PHF14: variants seen among roughly 807,000 people sequenced by gnomAD.
PHF14 encodes the protein PHD finger protein 14.
PHF14 carries 55 observed loss-of-function variants against 117.9 expected under a neutral mutation model. The observed-to-expected ratio is 0.47, with a 90% CI of 0.38 to 0.58. The LOEUF (loss-of-function observed/expected upper bound fraction) is 0.58, where lower values mean the gene tolerates loss of function less well. PHF14 is among the 20% of genes least tolerant of loss of function. PHF14 has a pLI of 0.00. For missense variants in PHF14, 978 were observed against 1,122.2 expected, an observed-to-expected ratio of 0.87 and a Z score of 1.84; for synonymous variants, 409 against 368.6, an observed-to-expected ratio of 1.11 and a Z score of -1.26.
intron 17 of PHF14, among the ~76,000 whole-genome samples, chr7:11,135,689 A>C (rs766441109): frequency 1.3e-5 from 2 of 152,114 alleles, no homozygotes; most frequent in Non-Finnish European, 2.9e-5. Context: ...CTTTCAATTC[A>C]TTGCCGTGGT....
intron 17 of PHF14, among the ~76,000 whole-genome samples, chr7:11,166,156 G>C (rs1789196818): frequency 6.6e-6 from 1 of 152,068 alleles, no homozygotes; most frequent in African/African-American, 2.4e-5. Flanking sequence ...AACATTAAGA[G>C]GTAAGCCTGT....
intron 3 of PHF14, 23 bp from the exon 4 acceptor site, chr7:10,990,680 A>C: frequency 7.2e-7 from 1 of 1,393,446 alleles, no homozygotes; most frequent in East Asian, 2.5e-5. Context: ...ATTTTCTGAT[A>C]TATGTTAATA....
At chr7:11,111,612 G>T in intron 17 of PHF14, 145 bp downstream of exon 17, 439 of 395,006 alleles carry the variant, frequency 1.1e-3, no homozygotes, top group Non-Finnish European at 1.3e-3. Flanking sequence ...TATTGCTATG[G>T]TTATTTTCTT....
intron 4 of PHF14, among the ~76,000 whole-genome samples, chr7:11,007,597 C>G (rs1783168139): frequency 6.6e-6 from 1 of 151,988 alleles, no homozygotes; most frequent in Non-Finnish European, 1.5e-5. Flanking sequence ...TTCAGCCATG[C>G]AATTTTTAAA....
At chr7:11,051,432 A>G (rs544230569) in intron 13 of PHF14, among the ~76,000 whole-genome samples, 180 bp from the exon 14 acceptor site, 1 of 152,176 alleles carries the variant, frequency 6.6e-6, no homozygotes, top group Non-Finnish European at 1.5e-5. Flanking sequence ...TTATATTCAT[A>G]GTAGTCACTC....
At chr7:11,059,113 TACC>T (rs1192558329) in intron 14 of PHF14, among the ~76,000 whole-genome samples, 1 of 152,176 alleles carries the variant, frequency 6.6e-6, no homozygotes, top group African/African-American at 2.4e-5. Flanking sequence ...AATGGAGCTA[TACC>T]ATTGTGTGAT....
intron 13 of PHF14, among the ~76,000 whole-genome samples, chr7:11,044,588 T>C (rs1441141646): frequency 6.6e-6 from 1 of 152,170 alleles, no homozygotes; most frequent in African/African-American, 2.4e-5. Context: ...ATTCAGAGAA[T>C]TGTTTTTTCT....
chr7:11,109,003 A>C (rs1231382053), intron 16 of PHF14: 1 of 151,820 alleles, frequency 6.6e-6, no homozygotes, highest in Non-Finnish European at 1.5e-5. Context: ...GATTATTAGC[A>C]ATCTGAACTC....
At chr7:10,980,036 C>T (rs751338131) in intron 2 of PHF14, among the ~76,000 whole-genome samples, 3 of 152,060 alleles carry the variant, frequency 2.0e-5, no homozygotes, top group Non-Finnish European at 2.9e-5. Flanking sequence ...CAAGGAGTCT[C>T]AATTTACCTC....
At chr7:11,026,527 G>A (rs1783917141) in intron 6 of PHF14, among the ~76,000 whole-genome samples, 1 of 152,178 alleles carries the variant, frequency 6.6e-6, no homozygotes, top group Non-Finnish European at 1.5e-5. Context: ...GCAGCACTTA[G>A]AACTAGAAAA....
At chr7:11,066,870 A>G (rs2128331397) in intron 16 of PHF14, among the ~76,000 whole-genome samples, 1 of 152,292 alleles carries the variant, frequency 6.6e-6, no homozygotes, top group South Asian at 2.1e-4. Flanking sequence ...TTTCATGTAA[A>G]TATTAGAAAC....
intron 17 of PHF14, among the ~76,000 whole-genome samples, chr7:11,169,190 A>C (rs1462737895): frequency 6.6e-6 from 1 of 152,148 alleles, no homozygotes; most frequent in African/African-American, 2.4e-5. Context: ...TTTTTAGGGC[A>C]TTGTTAAAAT....
At chr7:11,073,914 G>A (rs1785720447) in intron 16 of PHF14, among the ~76,000 whole-genome samples, 1 of 152,132 alleles carries the variant, frequency 6.6e-6, no homozygotes, top group South Asian at 2.1e-4. Context: ...GCTGTACCTG[G>A]GGCTCTGTGC....
intron 5 of PHF14, among the ~76,000 whole-genome samples, chr7:11,015,548 ACTGT>A (rs979958199): frequency 1.7e-4 from 26 of 152,146 alleles, no homozygotes; most frequent in African/African-American, 5.1e-4. Flanking sequence ...TTCAAGTTGG[ACTGT>A]CTATGTTTGG....
At chr7:10,992,299 C>T (rs1782489129) in intron 4 of PHF14, among the ~76,000 whole-genome samples, 1 of 151,046 alleles carries the variant, frequency 6.6e-6, no homozygotes, top group African/African-American at 2.4e-5. Context: ...AGTGATCCAC[C>T]CGACTCAGCT....
chr7:11,122,352 T>C (rs12532164), intron 17 of PHF14, among the ~76,000 whole-genome samples: 8,542 of 65,808 alleles, frequency 0.13, 851 homozygotes, highest in East Asian at 0.25. Flanking sequence ...TATATATATA[T>C]ACACACACAC....
Position 11,033,788 on chromosome 7 carries a change from T to A in PHF14, c.1456-1852T>A, listed in dbSNP as rs114584815. 5.3e-3 allele frequency among the ~76,000 whole-genome samples: 809 copies of A among 152,308 alleles called. 5 individuals carry two copies. Among genetic ancestry groups the A allele is most frequent in the African/African-American group, 0.019 (771 of 41,566 alleles). On this transcript the variant is annotated intron_variant, in intron 7 of 17. Coordinates refer to ENST00000634607, the MANE Select transcript of PHF14 (RefSeq NM_001007157.2). ...GAATAATTATCTAGATCTGGGTATTTGGGCTGAGGTTCGGTATAATCTTTA... is the reference window on the plus strand; with the variant it reads ...GAATAATTATCTAGATCTGGGTATTAGGGCTGAGGTTCGGTATAATCTTTA...
intron 4 of PHF14, among the ~76,000 whole-genome samples, chr7:11,006,075 T>C (rs1306985538): frequency 1.3e-5 from 2 of 152,082 alleles, no homozygotes; most frequent in African/African-American, 4.8e-5. Context: ...TACAGGGAAG[T>C]AAAATTTCTT....
In PHF14 at chr7:11,036,581, G is replaced by C. The variant is rs1364638988; in HGVS notation, c.1766G>C (p.Ser589Thr). 1 of 1,613,920 alleles carries C rather than the reference G, an allele frequency of 6.2e-7. No individual in the cohort carries two copies. Among genetic ancestry groups the C allele is most frequent in the Non-Finnish European group, 8.5e-7 (1 of 1,179,834 alleles). ...CGGAAAGCAGAACTCATGGGGATCAGTACAGATATCTTTCCAGTGGACAAT... is the reference window on the plus strand; with the variant it reads ...CGGAAAGCAGAACTCATGGGGATCACTACAGATATCTTTCCAGTGGACAAT... ...LMRKAELMGI[S>T]TDIFPVDNSD... The change falls in exon 9 of 18, where the codon AGT (serine) becomes ACT (threonine). Residue 589 changes from serine to threonine, a missense_variant. By Grantham distance (58) the Ser-to-Thr change is moderately conservative. This residue lies in a region of PHF14 where 237 missense variants were observed against 276.4 expected (regional missense o/e 0.86). Coordinates refer to ENST00000634607, the MANE Select transcript of PHF14 (RefSeq NM_001007157.2).
Sources: allele counts gnomAD v4.1 joint callset (sites outside exome capture counted in the v4.1 genomes callset), GRCh38; gene constraint gnomAD v4.1.1; regional missense constraint gnomAD v4.1.1; transcripts MANE v1.5; gene names NCBI Gene and HGNC (gene_info 2026-07-23, HGNC 2026-07-21).